AGBL4: variants seen among roughly 807,000 people sequenced by gnomAD.
AGBL4 encodes AGBL carboxypeptidase 4, also known as cytosolic carboxypeptidase 6.
A neutral mutation model predicts 66.4 loss-of-function variants in AGBL4; 58 were observed. The observed-to-expected ratio is 0.87, with a 90% confidence interval of 0.71 to 1.09. The LOEUF (loss-of-function observed/expected upper bound fraction) is 1.09. AGBL4 is among the 50% of genes least tolerant of loss of function. The pLI is 0.00. For synonymous variants in AGBL4, 234 were observed against 222.9 expected (o/e 1.05, Z -0.44); for missense variants, 579 against 631.0 (o/e 0.92, Z 0.88).
chr1:49,528,449 C>G (rs1000466138), intron 3 of AGBL4, among the ~76,000 whole-genome samples: 2 of 152,062 alleles, frequency 1.3e-5, no homozygotes, highest in African/African-American at 4.8e-5. Flanking sequence ...TCCCTCTGCT[C>G]TCTTTATGAT....
intron 9 of AGBL4, among the ~76,000 whole-genome samples, chr1:48,608,916 C>T (rs192309397): frequency 1.3e-5 from 2 of 152,238 alleles, no homozygotes; most frequent in East Asian, 3.9e-4. Context: ...AAAAGATTTG[C>T]ATGCAATATA....
At chr1:48,726,779 C>T (rs990636135) in intron 6 of AGBL4, among the ~76,000 whole-genome samples, 2 of 152,242 alleles carry the variant, frequency 1.3e-5, no homozygotes, top group Non-Finnish European at 2.9e-5. Flanking sequence ...CCAACAATAA[C>T]AGCCAATAAT....
intron 4 of AGBL4, among the ~76,000 whole-genome samples, chr1:49,221,004 C>T (rs538700076): frequency 9.2e-5 from 14 of 152,132 alleles, no homozygotes; most frequent in African/African-American, 3.4e-4. Context: ...TTTAAAAGAA[C>T]GCAACCAAAA....
chr1:48,991,661 AT>A (rs752181539), intron 5 of AGBL4, among the ~76,000 whole-genome samples: 1 of 151,864 alleles, frequency 6.6e-6, no homozygotes, highest in African/African-American at 2.4e-5. Flanking sequence ...GTGCTATATT[AT>A]TTTTTATTCT....
intron 4 of AGBL4, among the ~76,000 whole-genome samples, chr1:49,187,966 A>T (rs182168002): frequency 7.9e-5 from 12 of 152,216 alleles, no homozygotes; most frequent in African/African-American, 2.9e-4. Context: ...ATGATAGTGA[A>T]TGAGTCTCAC....
intron 4 of AGBL4, among the ~76,000 whole-genome samples, chr1:49,143,530 C>T (rs926367719): frequency 5.3e-5 from 8 of 152,244 alleles, no homozygotes; most frequent in Admixed American, 2.0e-4. Flanking sequence ...CTGTGAGTTC[C>T]GTGAGGGCAG....
At chr1:49,284,060 A>G (rs975852785) in intron 3 of AGBL4, among the ~76,000 whole-genome samples, 2 of 151,104 alleles carry the variant, frequency 1.3e-5, no homozygotes, top group South Asian at 2.1e-4. Context: ...TCCAAGACAC[A>G]TAATTGTCAG....
intron 1 of AGBL4, among the ~76,000 whole-genome samples, chr1:49,935,289 C>T (rs1237823788): frequency 6.6e-6 from 1 of 152,234 alleles, no homozygotes; most frequent in Non-Finnish European, 1.5e-5. Flanking sequence ...GGAGGGGCGC[C>T]CGCCATTGCC....
chr1:49,400,402 T>C (rs927098949), intron 3 of AGBL4, among the ~76,000 whole-genome samples: 3 of 152,170 alleles, frequency 2.0e-5, no homozygotes, highest in Non-Finnish European at 4.4e-5. Context: ...GGAATTTTTT[T>C]TCTATTTCAG....
chr1:49,286,364 C>A (rs905386829), intron 3 of AGBL4, among the ~76,000 whole-genome samples: 3 of 151,382 alleles, frequency 2.0e-5, no homozygotes, highest in East Asian at 1.9e-4. Context: ...CTGGCCAGGG[C>A]AATTAGGCAG....
intron 6 of AGBL4, among the ~76,000 whole-genome samples, chr1:48,756,801 C>A (rs1229226655): frequency 6.6e-6 from 1 of 152,170 alleles, no homozygotes; most frequent in Non-Finnish European, 1.5e-5. Context: ...ATGCCTGTAG[C>A]CCTGAGAGGA....
rs1197007206 is a variant in AGBL4 at position 49,409,715 on chromosome 1, T to A, written c.283-163851A>T. 2.0e-5 allele frequency among the ~76,000 whole-genome samples: 3 copies of A among 152,232 alleles called. No individual in the cohort carries two copies. In the East Asian group the frequency reaches 5.8e-4, roughly 29 times the overall value. On this transcript the variant is annotated intron_variant, in intron 3 of 13. Transcript: ENST00000371839. ...TTGTTAAAAGACATTATTATCTATT[T>A]CAAAGGATTTATTTTTAAAAAAACA...
intron 5 of AGBL4, among the ~76,000 whole-genome samples, chr1:48,898,824 C>T (rs1277903701): frequency 6.6e-6 from 1 of 152,084 alleles, no homozygotes; most frequent in Non-Finnish European, 1.5e-5. Context: ...TGTGTTTGAT[C>T]CACAAAAAGG....
rs554911136 is a variant in AGBL4, at chr1:48,651,877, A to G, written c.839+1460T>C. The stretch of plus-strand genomic sequence containing the variant: ...CTGGGACTCAGTTTCTTCATTAGTA[A>G]AGTCATCCTTCTCATCTCTCATATT... On this transcript the variant is annotated intron_variant, in intron 8 of 13. Transcript: ENST00000371839. 2.0e-5 allele frequency among the ~76,000 whole-genome samples: 3 copies of G among 152,278 alleles called. No individual in the cohort carries two copies. The South Asian group carries it at 6.2e-4, about 32-fold the overall frequency.
chr1:49,239,338 T>G (rs1307040965), intron 4 of AGBL4, among the ~76,000 whole-genome samples: 1 of 152,180 alleles, frequency 6.6e-6, no homozygotes, highest in African/African-American at 2.4e-5. Context: ...ACATTAATCT[T>G]AGAGTCTATC....
intron 4 of AGBL4, among the ~76,000 whole-genome samples, chr1:49,208,664 T>C (rs549226239): frequency 1.3e-5 from 2 of 152,064 alleles, no homozygotes; most frequent in South Asian, 4.1e-4. Flanking sequence ...CACCTTACCA[T>C]AGTGCATTTG....
At chr1:49,748,930 G>A (rs1651222351) in intron 2 of AGBL4, among the ~76,000 whole-genome samples, 1 of 152,098 alleles carries the variant, frequency 6.6e-6, no homozygotes, top group Non-Finnish European at 1.5e-5. Flanking sequence ...TGGATAGATT[G>A]CAAAAATTTT....
At chr1:48,797,049 A>C (rs750320318) in intron 6 of AGBL4, among the ~76,000 whole-genome samples, 14 of 152,206 alleles carry the variant, frequency 9.2e-5, no homozygotes, top group Non-Finnish European at 1.6e-4. Flanking sequence ...TTAAACCTGG[A>C]AGGACCCTTA....
chr1:48,643,242 G>C (rs915982193), intron 8 of AGBL4, among the ~76,000 whole-genome samples: 1 of 152,166 alleles, frequency 6.6e-6, no homozygotes, highest in Admixed American at 6.5e-5. Context: ...GATAGGGCCT[G>C]TGAGCTAATA....
Sources: allele counts gnomAD v4.1 joint callset (sites outside exome capture counted in the v4.1 genomes callset), GRCh38; gene constraint gnomAD v4.1.1; transcripts MANE v1.5; gene names NCBI Gene and HGNC (gene_info 2026-07-23, HGNC 2026-07-21).